The following FGF13 variants were observed in gnomAD, a reference collection of about 807,000 sequenced individuals.
FGF13 encodes fibroblast growth factor 13.
In FGF13, 2 loss-of-function variants were observed where a neutral mutation model predicts 19.5. The observed-to-expected ratio is 0.10, with a 90% CI of 0.04 to 0.32. FGF13 has a LOEUF of 0.32. Ranked by LOEUF, FGF13 falls within the 10% of genes least tolerant of loss-of-function variation. FGF13 has a pLI of 1.00. For synonymous variants in FGF13, 72 were observed against 76.9 expected, an observed-to-expected ratio of 0.94 and a Z score of 0.33; for missense variants, 113 against 192.7, an observed-to-expected ratio of 0.59 and a Z score of 2.45.
At chrX:138,709,879 C>G (rs775324556) in intron 1 of FGF13, among the ~76,000 whole-genome samples, 9 of 111,916 alleles carry the variant, frequency 8.0e-5, no homozygotes, top group African/African-American at 1.3e-4. Flanking sequence ...AAACAGAAAA[C>G]GTTATGTCTG....
intron 2 of FGF13, among the ~76,000 whole-genome samples, chrX:138,860,786 T>C (rs900063344): frequency 3.6e-5 from 4 of 112,505 alleles, no homozygotes; most frequent in Non-Finnish European, 7.5e-5. Flanking sequence ...CCCATGCTTT[T>C]TGAAAGGCTG....
Position 139,000,266 on chromosome X carries a change from A to C in FGF13, c.-112-135616T>G, listed in dbSNP as rs9698387. 9.7e-3 allele frequency among the ~76,000 whole-genome samples: 1,087 copies of C among 112,011 alleles called. 12 individuals are homozygous for C. The highest frequency in any genetic ancestry group is 0.033 in the African/African-American group (1,028 of 30,798). On this transcript the variant is annotated intron_variant, in intron 1 of 2. Transcript: ENST00000421460. Reference sequence around the variant, plus strand: ...TAAAAACTGGAAGCATTTCCTTTGAAAACCAGCACAAGACAAGGATGCCCT... The same window carrying C: ...TAAAAACTGGAAGCATTTCCTTTGACAACCAGCACAAGACAAGGATGCCCT...
intron 3 of FGF13, chrX:138,667,599 G>A (rs1242103169): frequency 3.0e-6 from 1 of 328,934 alleles, no homozygotes; most frequent in Non-Finnish European, 6.0e-6. Context: ...TTTCTTCATA[G>A]AAGAGGATCA....
rs183994299 is a variant in FGF13, at chrX:139,147,673, A to T, written c.-113+55743T>A. Among the ~76,000 whole-genome samples the T allele has an allele frequency of 3.7e-3, 410 of 111,614 alleles. 1 individual carries two copies. Among genetic ancestry groups the T allele is most frequent in the African/African-American group, 0.012 (384 of 30,753 alleles). The stretch of plus-strand genomic sequence containing the variant: ...CTGAAATCAAGTTGTCAACAGAGAC[A>T]TGCTTCCTTGGCTAGTAGCTGCATC... On this transcript the variant is annotated intron_variant, in intron 1 of 2. Transcript: ENST00000421460.
intron 3 of FGF13, among the ~76,000 whole-genome samples, chrX:138,840,545 C>G (rs887873390): frequency 6.3e-5 from 7 of 111,393 alleles, no homozygotes; most frequent in Non-Finnish European, 1.3e-4. Flanking sequence ...CAGTGGATAT[C>G]TAAATGAAAA....
intron 3 of FGF13, among the ~76,000 whole-genome samples, chrX:138,640,015 CAGTT>C (rs1397471729): frequency 2.7e-5 from 3 of 110,137 alleles, no homozygotes; most frequent in African/African-American, 9.9e-5. Context: ...AAATTCTTAT[CAGTT>C]AGTATCATTA....
intron 1 of FGF13, among the ~76,000 whole-genome samples, chrX:139,134,465 C>T (rs2083784180): frequency 1.8e-5 from 2 of 111,159 alleles, no homozygotes; most frequent in African/African-American, 6.6e-5. Context: ...AAAGTTACCT[C>T]CCCTTAAGCC....
chrX:139,073,405 C>T (rs1445324339), intron 1 of FGF13, among the ~76,000 whole-genome samples: 1 of 110,993 alleles, frequency 9.0e-6, no homozygotes, highest in African/African-American at 3.3e-5. Context: ...TGTTATGAAG[C>T]CCAAAGGATA....
Position 138,901,581 on chromosome X carries a change from T to C in FGF13, c.-112-36931A>G, listed in dbSNP as rs144686416. ...TCTCTTGAATCTCTGAGCCTTTGGA[T>C]ATAAAGTGTTTCCTTTCTCTCTTCC... On this transcript the variant is annotated intron_variant, in intron 1 of 2. Coordinates refer to the FGF13 transcript ENST00000421460. 1.1e-3 allele frequency among the ~76,000 whole-genome samples: 123 copies of C among 111,766 alleles called. 2 individuals are homozygous for C. In the East Asian group the frequency reaches 0.029, roughly 26 times the overall value.
chrX:139,020,199 C>T (rs111671803), intron 1 of FGF13, among the ~76,000 whole-genome samples: 2 of 111,485 alleles, frequency 1.8e-5, no homozygotes, highest in African/African-American at 6.5e-5. Flanking sequence ...CAAAATCAGC[C>T]TAATGTTTTT....
intron 1 of FGF13, among the ~76,000 whole-genome samples, chrX:139,098,744 G>A (rs1053058386): frequency 9.0e-6 from 1 of 111,458 alleles, no homozygotes; most frequent in African/African-American, 3.3e-5. Context: ...AGGGGAGGAA[G>A]GGAGAGGGAC....
At chrX:138,998,140 T>C (rs1363432106) in intron 1 of FGF13, among the ~76,000 whole-genome samples, 1 of 111,172 alleles carries the variant, frequency 9.0e-6, no homozygotes, top group Non-Finnish European at 1.9e-5. Flanking sequence ...TGCTGAGAGA[T>C]TTTGTCACCA....
Position 138,710,882 on chromosome X carries a change from T to C in FGF13, c.122A>G (p.Asn41Ser). The change falls in exon 1 of 5, where the codon AAC becomes AGC. Residue 41 changes from asparagine (N) to serine (S), a missense_variant. Asn to Ser is a conservative substitution (Grantham distance 46). This residue lies in a region of FGF13 where 51 missense variants were observed against 78.5 expected (regional missense o/e 0.65). Coordinates refer to ENST00000315930, the MANE Select transcript of FGF13 (RefSeq NM_004114.5). ...GACCCGGGAAAAGACATTTAACTTGTTTTTGTCGCAGCTGGTCTTGCCTTT... is the reference window on the plus strand; with the variant it reads ...GACCCGGGAAAAGACATTTAACTTGCTTTTGTCGCAGCTGGTCTTGCCTTT... ...PSKGKTSCDKNKLNVFSRVKL... is the reference protein window; with the variant it reads ...PSKGKTSCDKSKLNVFSRVKL... The C allele has an allele frequency of 8.2e-7, 1 of 1,212,263 alleles. No homozygotes were observed. The highest frequency in any genetic ancestry group is 1.1e-6 in the Non-Finnish European group (1 of 895,616).
At chrX:138,649,725 C>G (rs2089347770) in intron 3 of FGF13, among the ~76,000 whole-genome samples, 1 of 112,160 alleles carries the variant, frequency 8.9e-6, no homozygotes, top group Admixed American at 9.4e-5. Context: ...TCAGATGAGC[C>G]TAGCTATTCT....
intron 3 of FGF13, among the ~76,000 whole-genome samples, chrX:138,847,164 G>A (rs764811437): frequency 8.9e-6 from 1 of 111,902 alleles, no homozygotes; most frequent in Non-Finnish European, 1.9e-5. Context: ...AGGGGAGAAG[G>A]CATGGCTTTT....
chrX:139,169,030 A>C (rs1013124968), intron 1 of FGF13, among the ~76,000 whole-genome samples: 2 of 112,079 alleles, frequency 1.8e-5, no homozygotes, highest in African/African-American at 6.5e-5. Context: ...ACTATGTACC[A>C]GGCACTGTGT....
intron 3 of FGF13, among the ~76,000 whole-genome samples, chrX:138,811,589 TATA>T (rs1199045917): frequency 2.7e-5 from 3 of 110,679 alleles, no homozygotes. Flanking sequence ...GAATTTAAAG[TATA>T]ATAATAATAA....
At chrX:139,136,723 A>T (rs1436682200) in intron 1 of FGF13, among the ~76,000 whole-genome samples, 1 of 111,871 alleles carries the variant, frequency 8.9e-6, no homozygotes, top group African/African-American at 3.3e-5. Flanking sequence ...GGGAAATGTC[A>T]TCTACTAGGG....
intron 1 of FGF13, among the ~76,000 whole-genome samples, chrX:139,000,824 G>GA (rs1442273565): frequency 9.0e-6 from 1 of 111,251 alleles, no homozygotes; most frequent in Non-Finnish European, 1.9e-5. Flanking sequence ...CACAGAATTG[G>GA]AAAAAAACAA....
Sources: gnomAD v4.1 joint callset for allele counts (sites outside exome capture counted in the v4.1 genomes callset) on GRCh38, gnomAD v4.1.1 for gene constraint, gnomAD v4.1.1 regional missense constraint, MANE v1.5 for transcripts, NCBI Gene and HGNC (gene_info 2026-07-23, HGNC 2026-07-21) for gene names.